SHCBP1: variants seen among roughly 807,000 people sequenced by gnomAD.
SHCBP1 encodes the protein SHC binding and spindle associated 1.
Under a neutral mutation model 75.1 loss-of-function variants are expected in SHCBP1, and 60 were observed. The ratio of observed to expected loss-of-function variants is 0.80; its 90% CI spans 0.65 to 0.99. SHCBP1 has a LOEUF of 0.99. Ranked by LOEUF, SHCBP1 falls within the 50% of genes least tolerant of loss-of-function variation. SHCBP1 has a pLI of 0.00. For missense variants in SHCBP1, 709 were observed against 809.4 expected (o/e 0.88, Z 1.50); for synonymous variants, 290 against 293.2 (o/e 0.99, Z 0.11).
chr16:46,582,526 G>A (rs1327901415), intron 12 of SHCBP1, among the ~76,000 whole-genome samples: 2 of 152,232 alleles, frequency 1.3e-5, no homozygotes, highest in Admixed American at 1.3e-4. Context: ...GATTTGCCTT[G>A]AGGGATGTTC....
intron 10 of SHCBP1, 45 bp downstream of exon 10, chr16:46,595,507 C>A (rs748908174): frequency 1.4e-6 from 2 of 1,440,348 alleles, no homozygotes; most frequent in African/African-American, 1.4e-5. Flanking sequence ...TATTCATTTA[C>A]AACTTAAACA....
At chr16:46,611,465 C>G (rs986909822) in intron 4 of SHCBP1, among the ~76,000 whole-genome samples, 1 of 152,210 alleles carries the variant, frequency 6.6e-6, no homozygotes, top group Non-Finnish European at 1.5e-5. Context: ...CCTTGATTTA[C>G]TCGTCACCAC....
chr16:46,600,511 G>T (rs555051593), intron 8 of SHCBP1, among the ~76,000 whole-genome samples: 1 of 152,210 alleles, frequency 6.6e-6, no homozygotes, highest in South Asian at 2.1e-4. Context: ...TTACAGCTGA[G>T]TCAAAGAACT....
intron 8 of SHCBP1, 132 bp from the exon 9 acceptor site, chr16:46,600,094 A>G: frequency 9.7e-7 from 1 of 1,026,730 alleles, no homozygotes; most frequent in Non-Finnish European, 1.4e-6. Flanking sequence ...TTGCATTTAA[A>G]TAAAATCTAT....
chr16:46,621,300 G>A lies in SHCBP1; in HGVS notation c.60C>T (p.Arg20=), dbSNP rs1343695554. The change falls in exon 1 of 13, where the codon CGC becomes CGT. Residue 20 remains arginine, a synonymous_variant. Transcript: ENST00000303383. ...GCTCCTGCTCCACCGCCCAGCCCAT[G>A]CGCTCCGGCGCCATGGCCGCTGCCT... ...GLEAAAMAPE[R]MGWAVEQELA... is the part of the protein sequence containing the mutation. 2.5e-6 allele frequency: 4 copies of A among 1,610,956 alleles called. No individual in the cohort carries two copies. Among genetic ancestry groups the A allele is most frequent in the Admixed American group, 1.7e-5 (1 of 59,942 alleles).
chr16:46,615,854 G>C (rs1965487925), intron 4 of SHCBP1, 92 bp downstream of exon 4: 1 of 1,162,608 alleles, frequency 8.6e-7, no homozygotes, highest in East Asian at 2.4e-5. Context: ...TTACAGTTGA[G>C]TTTTAAATCT....
chr16:46,600,138 T>TAA lies in SHCBP1; in HGVS notation c.1214-177_1214-176insTT, dbSNP rs1452813503. On this transcript the variant is annotated intron_variant, in intron 8 of 12. Coordinates refer to ENST00000303383, the MANE Select transcript of SHCBP1 (RefSeq NM_024745.5). The stretch of plus-strand genomic sequence containing the variant: ...ATATCCTGTTTAATTTAAATCAGGG[T>TAA]ATCCAATTTTTAACAATAACAACTC... Among the ~76,000 whole-genome samples the TAA allele has an allele frequency of 1.6e-4, 25 of 152,248 alleles. No individual in the cohort carries two copies. The East Asian group carries it at 4.8e-3, about 29-fold the overall frequency.
At position 46,621,319 on chromosome 16, in the gene SHCBP1, G is replaced by A. The variant is rs553357867; in HGVS notation, c.41C>T (p.Ala14Val). Residue 14 changes from alanine to valine, a missense_variant, in exon 1 of 13, where the codon GCG (alanine) becomes GTG (valine). By Grantham distance (64) the Ala-to-Val change is moderately conservative. Transcript: ENST00000303383. ...GCCCATGCGCTCCGGCGCCATGGCC[G>A]CTGCCTCCAGACCGCCGCCCGTCAG... is the stretch of plus-strand genomic sequence containing the variant. The part of the protein sequence containing the change: ...GSLTGGGLEA[A>V]AMAPERMGWA... 3.1e-6 allele frequency: 5 copies of A among 1,611,206 alleles called. No homozygotes were observed. The highest frequency in any genetic ancestry group is 2.7e-5 in the African/African-American group (2 of 75,024).
chr16:46,612,773 T>C (rs1214705263), intron 4 of SHCBP1, among the ~76,000 whole-genome samples: 1 of 152,140 alleles, frequency 6.6e-6, no homozygotes, highest in Non-Finnish European at 1.5e-5. Flanking sequence ...TCCTCACCAG[T>C]ACCATGCCAA....
intron 8 of SHCBP1, among the ~76,000 whole-genome samples, chr16:46,601,534 C>T (rs1227772320): frequency 6.6e-6 from 1 of 151,964 alleles, no homozygotes; most frequent in Non-Finnish European, 1.5e-5. Flanking sequence ...CTGTTTTTAA[C>T]AAGCAAAGCC....
chr16:46,604,385 C>T lies in SHCBP1; in HGVS notation c.766G>A (p.Glu256Lys), dbSNP rs1297179923. The change falls in exon 6 of 13, where the codon GAG becomes AAG. Residue 256 changes from glutamate to lysine, a missense_variant. Coordinates refer to ENST00000303383, the MANE Select transcript of SHCBP1 (RefSeq NM_024745.5). ...AGATTTAAAAATTTCCTGTAACTCTCCTCACATTGAGACAACAGATTGTGG... is the reference window on the plus strand; with the variant it reads ...AGATTTAAAAATTTCCTGTAACTCTTCTCACATTGAGACAACAGATTGTGG... Reference protein sequence around the residue: ...DYHNLLSQCEESYRKFLNLRS... With the variant: ...DYHNLLSQCEKSYRKFLNLRS... 1 of 1,614,138 alleles carries T rather than the reference C, an allele frequency of 6.2e-7. No individual in the cohort carries two copies. Among genetic ancestry groups the T allele is most frequent in the East Asian group, 2.2e-5 (1 of 44,882 alleles).
chr16:46,621,128 C>T (rs371241495), intron 1 of SHCBP1, 129 bp downstream of exon 1: 3 of 782,166 alleles, frequency 3.8e-6, no homozygotes, highest in East Asian at 3.1e-5. Flanking sequence ...GTCCCGGCCG[C>T]GCACCGCCGT....
At position 46,618,404 on chromosome 16, in the gene SHCBP1, C is replaced by T. The variant is rs774196668; in HGVS notation, c.104-32G>A. ...AAAAAAAGCAAAAATAAGCAAGCTC[C>T]AGTGCCTTATTTGAATGCTTCTATT... is the stretch of plus-strand genomic sequence containing the variant. On this transcript the variant is annotated intron_variant, in intron 1 of 12. Transcript: ENST00000303383. 1.9e-6 allele frequency: 3 copies of T among 1,547,442 alleles called. No individual in the cohort carries two copies. In the South Asian group the frequency reaches 3.8e-5, roughly 20 times the overall value.
chr16:46,593,309 C>G (rs929050111), intron 10 of SHCBP1, among the ~76,000 whole-genome samples: 1 of 152,076 alleles, frequency 6.6e-6, no homozygotes. Context: ...TTTCTATATA[C>G]TAGCAATGAA....
rs764345009 is a variant in SHCBP1, at chr16:46,604,439, G to A, written c.712C>T (p.Arg238Ter). 1.2e-4 allele frequency: 196 copies of A among 1,611,564 alleles called. No individual in the cohort carries two copies. Among genetic ancestry groups the A allele is most frequent in the Non-Finnish European group, 1.5e-4 (178 of 1,177,910 alleles). Residue 238 changes from arginine to a stop codon, truncating the protein, a stop_gained, in exon 6 of 13, where the codon CGA becomes TGA. Coordinates refer to ENST00000303383, the MANE Select transcript of SHCBP1 (RefSeq NM_024745.5). LOFTEE classifies it high-confidence loss of function. ...TCAACAATAAGTCCTGATGGAACTC[G>A]GTCTTCAAGAATGTCATAATGCCTG... is the stretch of plus-strand genomic sequence containing the variant. ...LRLHYDILED[R>*]VPSGLIVDYH...
intron 10 of SHCBP1, among the ~76,000 whole-genome samples, chr16:46,585,007 T>G (rs1174587893): frequency 1.3e-5 from 2 of 152,150 alleles, no homozygotes; most frequent in African/African-American, 4.8e-5. Flanking sequence ...ATCTAACTCT[T>G]TTGTAGAGAG....
In SHCBP1 at chr16:46,608,857, C is replaced by T. The variant is rs371970316; in HGVS notation, c.597-468G>A. Among the ~76,000 whole-genome samples, 131 of 152,240 alleles carry T rather than the reference C, an allele frequency of 8.6e-4. 2 individuals are homozygous for T. Among genetic ancestry groups the T allele is most frequent in the African/African-American group, 2.9e-3 (120 of 41,542 alleles). On this transcript the variant is annotated intron_variant, in intron 4 of 12. Transcript: ENST00000303383. Reference sequence around the variant, plus strand: ...CTCATGATTCACCCGCCTCGGACTCCCAAAGTGCTGGGATTACAGGCATGA... The same window carrying T: ...CTCATGATTCACCCGCCTCGGACTCTCAAAGTGCTGGGATTACAGGCATGA...
At chr16:46,600,620 C>T (rs1373355158) in intron 8 of SHCBP1, among the ~76,000 whole-genome samples, 1 of 152,198 alleles carries the variant, frequency 6.6e-6, no homozygotes, top group Non-Finnish European at 1.5e-5. Flanking sequence ...TCAAGATGAT[C>T]TAATTTTAAT....
In SHCBP1 at chr16:46,604,479, A is replaced by C. The variant is rs1157750253; in HGVS notation, c.690-18T>G. ...CATAATGCCTGAAAGTTTAAAAGCA[A>C]AGTGAAATCCACTGCCTTTCAGGCA... On this transcript the variant is annotated intron_variant, in intron 5 of 12. Transcript: ENST00000303383. 6 of 1,565,120 alleles carry C rather than the reference A, an allele frequency of 3.8e-6. No individual in the cohort carries two copies. Among genetic ancestry groups the C allele is most frequent in the Non-Finnish European group, 5.3e-6 (6 of 1,137,252 alleles).
Sources: gnomAD v4.1 joint callset for allele counts (sites outside exome capture counted in the v4.1 genomes callset) on GRCh38, gnomAD v4.1.1 for gene constraint, MANE v1.5 for transcripts, NCBI Gene and HGNC (gene_info 2026-07-23, HGNC 2026-07-21) for gene names.